CTNNA3: variants seen among roughly 807,000 people sequenced by gnomAD.
CTNNA3 encodes the protein catenin alpha-3.
A neutral mutation model predicts 95.7 loss-of-function variants in CTNNA3; 76 were observed. That is an observed-to-expected ratio of 0.79 (90% CI 0.66 to 0.96). CTNNA3 has a LOEUF of 0.96. CTNNA3 is among the 40% of genes least tolerant of loss of function. CTNNA3 has a pLI of 0.00. For synonymous variants in CTNNA3, 431 were observed against 374.4 expected (o/e 1.15, Z -1.74); for missense variants, 1,191 against 1,089.8 (o/e 1.09, Z -1.31).
intron 7 of CTNNA3, among the ~76,000 whole-genome samples, chr10:67,065,389 G>A (rs1856013995): frequency 6.6e-6 from 1 of 151,818 alleles, no homozygotes; most frequent in Non-Finnish European, 1.5e-5. Context: ...AAGGTATAAG[G>A]GCATTGATTA....
In CTNNA3 at chr10:67,416,476, C is replaced by T. The variant is rs1485979343; in HGVS notation, c.579+105366G>A. Among the ~76,000 whole-genome samples the T allele has an allele frequency of 2.6e-5, 4 of 151,640 alleles. No individual in the cohort carries two copies. In the East Asian group the frequency reaches 5.8e-4, roughly 22 times the overall value. ...ACAAAAAATTAGCCGGGCGTGGTGG[C>T]GGGCGCCTGTAGTCCCAGCTACTTG... On this transcript the variant is annotated intron_variant, in intron 5 of 17. Transcript: ENST00000433211.
chr10:66,502,345 ACTT>A (rs1268165713), intron 11 of CTNNA3, among the ~76,000 whole-genome samples: 3 of 152,136 alleles, frequency 2.0e-5, no homozygotes, highest in African/African-American at 7.2e-5. Context: ...CCTGACATCT[ACTT>A]CTCCTATTCA....
intron 4 of CTNNA3, among the ~76,000 whole-genome samples, chr10:67,538,725 C>G (rs80255656): frequency 6.6e-6 from 1 of 151,928 alleles, no homozygotes; most frequent in South Asian, 2.1e-4. Context: ...ATATTAAAAT[C>G]ACAGACACTT....
chr10:67,416,049 A>G (rs1758534966), intron 5 of CTNNA3, among the ~76,000 whole-genome samples: 1 of 152,208 alleles, frequency 6.6e-6, no homozygotes, highest in Admixed American at 6.5e-5. Context: ...AAATCCTAGA[A>G]GAAAACCCAG....
chr10:66,566,377 G>A (rs752836357), intron 10 of CTNNA3, among the ~76,000 whole-genome samples: 11 of 152,256 alleles, frequency 7.2e-5, no homozygotes, highest in Non-Finnish European at 1.3e-4. Context: ...AAAACTGCTT[G>A]AAATTTAAAG....
intron 1 of CTNNA3, among the ~76,000 whole-genome samples, chr10:67,718,486 T>C (rs1841157815): frequency 6.6e-6 from 1 of 152,222 alleles, no homozygotes; most frequent in African/African-American, 2.4e-5. Context: ...GTTCCATCAA[T>C]ACCTAGTTTA....
chr10:67,005,242 T>A (rs1851900669), intron 7 of CTNNA3, among the ~76,000 whole-genome samples: 1 of 152,150 alleles, frequency 6.6e-6, no homozygotes, highest in African/African-American at 2.4e-5. Context: ...TAGAAAATGA[T>A]GACCTTTAAT....
chr10:65,928,125 T>C (rs562817007), intron 17 of CTNNA3, among the ~76,000 whole-genome samples: 3 of 152,224 alleles, frequency 2.0e-5, no homozygotes, highest in African/African-American at 7.2e-5. Context: ...TTCCAGATAT[T>C]TGAAGTTAGA....
At chr10:67,050,186 T>C (rs1220061098) in intron 7 of CTNNA3, among the ~76,000 whole-genome samples, 1 of 152,232 alleles carries the variant, frequency 6.6e-6, no homozygotes, top group Non-Finnish European at 1.5e-5. Context: ...ATGTAGAACA[T>C]GCCCTGAAGA....
At chr10:66,542,170 A>T (rs1420652050) in intron 10 of CTNNA3, among the ~76,000 whole-genome samples, 3 of 152,196 alleles carry the variant, frequency 2.0e-5, no homozygotes, top group African/African-American at 7.2e-5. Flanking sequence ...AGAGAAATGC[A>T]AATCAAAACC....
chr10:66,231,452 C>T (rs2089586355), intron 13 of CTNNA3, among the ~76,000 whole-genome samples: 1 of 151,898 alleles, frequency 6.6e-6, no homozygotes, highest in African/African-American at 2.4e-5. Context: ...TAGCAGTTGT[C>T]CCTCTGAAAC....
intron 10 of CTNNA3, among the ~76,000 whole-genome samples, chr10:66,581,636 G>A (rs1425959777): frequency 6.6e-6 from 1 of 151,546 alleles, no homozygotes; most frequent in Non-Finnish European, 1.5e-5. Flanking sequence ...TTGCTGTGAA[G>A]AAGCTTTTTA....
chr10:67,348,330 C>T (rs148536581), intron 5 of CTNNA3, among the ~76,000 whole-genome samples: 34 of 152,234 alleles, frequency 2.2e-4, no homozygotes, highest in African/African-American at 7.5e-4. Flanking sequence ...TTCTGCACAG[C>T]AAAGGAAACA....
intron 7 of CTNNA3, among the ~76,000 whole-genome samples, chr10:67,021,084 C>T (rs923791817): frequency 1.8e-4 from 27 of 152,086 alleles, no homozygotes; most frequent in African/African-American, 5.8e-4. Context: ...TGATTATATA[C>T]ATTTTGTAAC....
chr10:66,917,693 C>T (rs1846568736), intron 7 of CTNNA3, among the ~76,000 whole-genome samples: 1 of 152,114 alleles, frequency 6.6e-6, no homozygotes, highest in South Asian at 2.1e-4. Flanking sequence ...GATATAATTG[C>T]CAGGAAGTCG....
At chr10:66,889,790 CT>C (rs71468807) in intron 7 of CTNNA3, among the ~76,000 whole-genome samples, 38,092 of 130,872 alleles carry the variant, frequency 0.29, 5,746 homozygotes, top group East Asian at 0.46. Context: ...AACCACAGAC[CT>C]TTTTTTTTTT....
intron 7 of CTNNA3, among the ~76,000 whole-genome samples, chr10:67,126,747 T>G (rs1041626733): frequency 1.3e-5 from 2 of 152,112 alleles, no homozygotes; most frequent in Non-Finnish European, 2.9e-5. Flanking sequence ...TCCATATACA[T>G]TGGGGTGAAT....
intron 5 of CTNNA3, among the ~76,000 whole-genome samples, chr10:67,393,658 A>G (rs1436955903): frequency 2.0e-5 from 3 of 152,134 alleles, no homozygotes; most frequent in Non-Finnish European, 4.4e-5. Flanking sequence ...TAATGCTTCT[A>G]TCAAGTGATA....
intron 7 of CTNNA3, among the ~76,000 whole-genome samples, chr10:66,814,144 G>C (rs1004986922): frequency 1.3e-5 from 2 of 151,868 alleles, no homozygotes; most frequent in Non-Finnish European, 2.9e-5. Flanking sequence ...TGGGGCAAAA[G>C]CTCAGGAAAG....
Sources: gnomAD v4.1 joint callset for allele counts (sites outside exome capture counted in the v4.1 genomes callset) on GRCh38, gnomAD v4.1.1 for gene constraint, MANE v1.5 for transcripts, NCBI Gene and HGNC (gene_info 2026-07-23, HGNC 2026-07-21) for gene names.